Variants in DOCK1 observed in about 807,000 individuals in gnomAD.
The protein encoded by DOCK1 is dedicator of cytokinesis 1, also known as dedicator of cytokinesis protein 1.
DOCK1 carries 138 observed loss-of-function variants against 262.7 expected under a neutral mutation model. The ratio of observed to expected loss-of-function variants is 0.53; its 90% CI spans 0.46 to 0.61. The LOEUF is 0.61. DOCK1 is among the 20% of genes least tolerant of loss of function. The probability of loss-of-function intolerance (pLI) is 0.00; values close to 1 mark genes in which losing one functional copy is unlikely to be tolerated. For synonymous variants in DOCK1, 866 were observed against 867.4 expected, an observed-to-expected ratio of 1.00 and a Z score of 0.03; for missense variants, 1,908 against 2,370.7, an observed-to-expected ratio of 0.80 and a Z score of 4.05.
intron 18 of DOCK1, 58 bp from the exon 19 acceptor site, chr10:127,037,661 C>A: frequency 6.9e-7 from 1 of 1,439,350 alleles, no homozygotes; most frequent in Non-Finnish European, 9.4e-7. Context: ...GCATGATTAA[C>A]AGAGACAGAA....
chr10:127,164,706 A>G (rs1204356316), intron 27 of DOCK1, among the ~76,000 whole-genome samples: 2 of 152,216 alleles, frequency 1.3e-5, no homozygotes, highest in South Asian at 2.1e-4. Flanking sequence ...GTGCCTTTTA[A>G]TCATATTTTC....
intron 12 of DOCK1, among the ~76,000 whole-genome samples, chr10:127,017,063 G>A (rs199915484): frequency 0.05 from 2,083 of 41,846 alleles, 2 homozygotes; most frequent in South Asian, 0.074. Context: ...ACACACAGAT[G>A]CAGACACCAT....
chr10:126,905,725 C>T (rs1355687986), intron 1 of DOCK1, among the ~76,000 whole-genome samples, 162 bp downstream of exon 1: 1 of 149,382 alleles, frequency 6.7e-6, no homozygotes, highest in East Asian at 2.0e-4. Flanking sequence ...GCCCGGCGAC[C>T]CCGGCCGCCC....
chr10:127,339,057 T>A lies in DOCK1; in HGVS notation c.3096T>A (p.Phe1032Leu). ...ATGCAGATATGCTGAACAAAAAATT[T>A]CTGGATCAAGCCAACTTTGAGCTAC... is the stretch of plus-strand genomic sequence containing the variant. Reference protein sequence around the residue: ...NQYADMLNKKFLDQANFELQL... With the variant: ...NQYADMLNKKLLDQANFELQL... The change falls in exon 30 of 52, where the codon TTT becomes TTA. Residue 1032 changes from phenylalanine to leucine, a missense_variant. Transcript: ENST00000623213. The A allele has an allele frequency of 6.3e-7, 1 of 1,579,946 alleles. No homozygotes were observed. Among genetic ancestry groups the A allele is most frequent in the Admixed American group, 1.8e-5 (1 of 55,266 alleles).
At chr10:127,201,163 G>A (rs2057438282) in intron 27 of DOCK1, among the ~76,000 whole-genome samples, 1 of 152,206 alleles carries the variant, frequency 6.6e-6, no homozygotes. Context: ...GTGCCCCAGT[G>A]GGGCCTCCTT....
intron 27 of DOCK1, among the ~76,000 whole-genome samples, chr10:127,196,594 G>A (rs1016412799): frequency 8.5e-5 from 12 of 141,166 alleles, no homozygotes; most frequent in African/African-American, 2.8e-4. Flanking sequence ...GGAGCCCCGG[G>A]CCCCGCGGGG....
At chr10:127,302,137 CTG>C (rs920161702) in intron 29 of DOCK1, among the ~76,000 whole-genome samples, 2 of 151,838 alleles carry the variant, frequency 1.3e-5, no homozygotes, top group Non-Finnish European at 2.9e-5. Context: ...TTTCCACAGC[CTG>C]TGTTTCCTGC....
At chr10:126,954,433 A>G (rs1449726073) in intron 1 of DOCK1, among the ~76,000 whole-genome samples, 3 of 152,272 alleles carry the variant, frequency 2.0e-5, no homozygotes, top group Non-Finnish European at 4.4e-5. Flanking sequence ...CAAGATATAT[A>G]TAACCTAAAA....
At chr10:127,425,453 T>A (rs2068755573) in intron 46 of DOCK1, among the ~76,000 whole-genome samples, 1 of 152,234 alleles carries the variant, frequency 6.6e-6, no homozygotes, top group Non-Finnish European at 1.5e-5. Flanking sequence ...TTTTCAGGAC[T>A]ATAGATCACA....
At chr10:127,197,579 G>A (rs987606714) in intron 27 of DOCK1, among the ~76,000 whole-genome samples, 4 of 152,168 alleles carry the variant, frequency 2.6e-5, no homozygotes, top group African/African-American at 9.7e-5. Flanking sequence ...TCTCAGGAAA[G>A]GTCAGAGAAG....
At chr10:126,918,214 T>A (rs2032734333) in intron 1 of DOCK1, among the ~76,000 whole-genome samples, 1 of 150,856 alleles carries the variant, frequency 6.6e-6, no homozygotes, top group Non-Finnish European at 1.5e-5. Context: ...TGGGATTGAT[T>A]GCCAGCATGC....
At chr10:127,108,952 C>G (rs999603410) in intron 24 of DOCK1, among the ~76,000 whole-genome samples, 4 of 152,144 alleles carry the variant, frequency 2.6e-5, no homozygotes, top group Non-Finnish European at 4.4e-5. Flanking sequence ...GAACAGGCCT[C>G]TAGCTACTGT....
intron 31 of DOCK1, among the ~76,000 whole-genome samples, chr10:127,348,653 T>C (rs2148381): frequency 0.035 from 5,281 of 152,156 alleles, 113 homozygotes; most frequent in Non-Finnish European, 0.05. Flanking sequence ...GTGGGTTGTT[T>C]TTGTTTTTGT....
chr10:127,212,214 T>C (rs1454743974), intron 27 of DOCK1, among the ~76,000 whole-genome samples: 1 of 152,124 alleles, frequency 6.6e-6, no homozygotes, highest in African/African-American at 2.4e-5. Context: ...CTTTCCGTGA[T>C]GTGTCTGCTT....
At position 127,404,567 on chromosome 10, in the gene DOCK1, G is replaced by A. The variant is rs1183971392; in HGVS notation, c.4122+138G>A. ...CTACACTGCCATAGCTCGGTGGTTA[G>A]CCCGGGGGGCAGAGAGGGGTTGACA... is the stretch of plus-strand genomic sequence containing the variant. On this transcript the variant is annotated intron_variant, in intron 40 of 51. Transcript: ENST00000623213. 4 of 742,150 alleles carry A rather than the reference G, an allele frequency of 5.4e-6. No individual in the cohort carries two copies. In the African/African-American group the frequency reaches 7.1e-5, roughly 13 times the overall value. 46.0% of individuals were successfully genotyped at this position (742,150 alleles called of 1,614,324 possible).
At chr10:126,960,847 T>C (rs1339992244) in intron 1 of DOCK1, among the ~76,000 whole-genome samples, 4 of 150,194 alleles carry the variant, frequency 2.7e-5, no homozygotes, top group Admixed American at 6.7e-5. Context: ...CGTATAGATA[T>C]ATACATGTAG....
At position 127,070,250 on chromosome 10, in the gene DOCK1, CTT is replaced by C. The variant is rs71032535; in HGVS notation, c.2445+8494_2445+8495del. ...CAAGGGTTGGAACTTGAATTTAGCC[CTT>C]TTTTTTTTTTTTTTTTTTTGAGATG... On this transcript the variant is annotated intron_variant, in intron 23 of 51. Transcript: ENST00000623213. 5.4e-5 allele frequency among the ~76,000 whole-genome samples: 5 copies of C among 92,948 alleles called. No individual in the cohort carries two copies. In the East Asian group the frequency reaches 1.4e-3, roughly 26 times the overall value. 61.0% of individuals were successfully genotyped at this position (92,948 alleles called of 152,430 possible). A position where few individuals can be genotyped will look rare whatever the true frequency, so the allele number is the denominator to read the frequency against.
chr10:126,981,881 G>A (rs930713151), intron 3 of DOCK1, 37 bp from the exon 4 acceptor site: 1 of 1,594,860 alleles, frequency 6.3e-7, no homozygotes, highest in South Asian at 1.1e-5. Context: ...CAATCCTATT[G>A]ATAATAAAAG....
intron 35 of DOCK1, among the ~76,000 whole-genome samples, chr10:127,379,399 G>A (rs1199020438): frequency 1.3e-5 from 2 of 152,174 alleles, no homozygotes; most frequent in African/African-American, 4.8e-5. Flanking sequence ...CTGTGGTTTG[G>A]AAGGTTTGCC....
Sources: gnomAD v4.1 joint callset for allele counts (sites outside exome capture counted in the v4.1 genomes callset) on GRCh38, gnomAD v4.1.1 for gene constraint, MANE v1.5 for transcripts, NCBI Gene and HGNC (gene_info 2026-07-23, HGNC 2026-07-21) for gene names.